PRKCQ: variants seen among roughly 807,000 people sequenced by gnomAD.
PRKCQ encodes protein kinase C theta.
In PRKCQ, 41 loss-of-function variants were observed where a neutral mutation model predicts 91.2. The observed-to-expected ratio is 0.45, with a 90% confidence interval of 0.35 to 0.58. The LOEUF (loss-of-function observed/expected upper bound fraction) is 0.58, where lower values mean the gene tolerates loss of function less well. Among genes scored for constraint, PRKCQ ranks in the 20% least tolerant of loss-of-function variants. PRKCQ has a pLI of 0.00. For synonymous variants in PRKCQ, 307 were observed against 316.9 expected, an observed-to-expected ratio of 0.97 and a Z score of 0.33; for missense variants, 673 against 896.5, an observed-to-expected ratio of 0.75 and a Z score of 3.18.
intron 9 of PRKCQ, 37 bp from the exon 10 acceptor site, chr10:6,485,306 C>T: frequency 6.5e-7 from 1 of 1,536,584 alleles, no homozygotes; most frequent in Non-Finnish European, 9.0e-7. Flanking sequence ...ACCCACCCAC[C>T]CACCATTGAT....
At chr10:6,426,768 C>T (rs1180892765), downstream of PRKCQ, among the ~76,000 whole-genome samples, 3 of 152,086 alleles carry the variant, frequency 2.0e-5, no homozygotes, top group South Asian at 2.1e-4. Context: ...CTAGTGACTC[C>T]GAATATTATG....
chr10:6,515,599 C>T, intron 1 of PRKCQ: 1 of 820,184 alleles, frequency 1.2e-6, no homozygotes, highest in Non-Finnish European at 1.5e-6. Context: ...CTTACATGGT[C>T]TATTTATGTG....
At chr10:6,488,997 G>A (rs913443128) in intron 8 of PRKCQ, among the ~76,000 whole-genome samples, 2 of 152,056 alleles carry the variant, frequency 1.3e-5, no homozygotes, top group African/African-American at 2.4e-5. Context: ...TGCCCAGGCT[G>A]GTCTCAAACT....
At chr10:6,548,738 T>G (rs1405114488) in intron 1 of PRKCQ, among the ~76,000 whole-genome samples, 16 of 64,410 alleles carry the variant, frequency 2.5e-4, no homozygotes, top group Admixed American at 4.8e-4. Context: ...TGTTGTGGGG[T>G]GGGGGGAGGG....
chr10:6,407,602 G>T, the PRKCQ span, among the ~76,000 whole-genome samples: 1 of 151,894 alleles, frequency 6.6e-6, no homozygotes. The surrounding 1 kb of genome is among the most constrained non-coding windows in gnomAD (Gnocchi z 4.0). Context: ...ATGTGCATGG[G>T]ACATGCACAT....
At chr10:6,425,524 G>A (rs994395851), downstream of PRKCQ, among the ~76,000 whole-genome samples, 1 of 151,960 alleles carries the variant, frequency 6.6e-6, no homozygotes, top group Non-Finnish European at 1.5e-5. Flanking sequence ...ACCTGGCCAG[G>A]TCTCTCACCT....
At position 6,427,985 on chromosome 10, in the gene PRKCQ, C is replaced by T. The variant is rs528683149; in HGVS notation, c.*222G>A. On this transcript the variant is annotated 3_prime_UTR_variant, in exon 18 of 18. Transcript: ENST00000263125. ...GTTAGTAATGACCTAACTTCAGGAGCGTCTGTGAGACATGTCAGGAGACGA... is the reference window on the plus strand; with the variant it reads ...GTTAGTAATGACCTAACTTCAGGAGTGTCTGTGAGACATGTCAGGAGACGA... 8 of 564,088 alleles carry T rather than the reference C, an allele frequency of 1.4e-5. No homozygotes were observed. The highest frequency in any genetic ancestry group is 4.2e-5 in the South Asian group (2 of 48,084). 34.9% of individuals were successfully genotyped at this position (564,088 alleles called of 1,614,324 possible).
intron 1 of PRKCQ, among the ~76,000 whole-genome samples, chr10:6,563,255 C>T (rs935985352): frequency 5.3e-5 from 8 of 151,992 alleles, no homozygotes; most frequent in African/African-American, 1.9e-4. Context: ...CTCACTTTGC[C>T]CAGTGCCTCT....
intron 8 of PRKCQ, among the ~76,000 whole-genome samples, chr10:6,488,855 C>T (rs1837092610): frequency 6.6e-6 from 1 of 152,328 alleles, no homozygotes; most frequent in South Asian, 2.1e-4. Context: ...TCATAGCTCA[C>T]TGCAGCCTCA....
intron 1 of PRKCQ, among the ~76,000 whole-genome samples, chr10:6,528,243 T>C (rs61403946): frequency 0.032 from 4,802 of 152,126 alleles, 251 homozygotes; most frequent in African/African-American, 0.11. Context: ...CCTCAACTGA[T>C]AGAGAAACTT....
intron 12 of PRKCQ, among the ~76,000 whole-genome samples, chr10:6,467,693 G>T (rs1032922089): frequency 1.3e-5 from 2 of 152,118 alleles, no homozygotes; most frequent in African/African-American, 4.8e-5. Flanking sequence ...TGAGACTGTC[G>T]CTAATCAGCT....
intron 17 of PRKCQ, among the ~76,000 whole-genome samples, chr10:6,429,221 T>C (rs1833283177): frequency 6.6e-6 from 1 of 152,238 alleles, no homozygotes. Context: ...AGGGTAAGCT[T>C]AGATCAAAGT....
chr10:6,421,749 TC>T, the PRKCQ span, among the ~76,000 whole-genome samples: 1 of 152,218 alleles, frequency 6.6e-6, no homozygotes, highest in Non-Finnish European at 1.5e-5. This position sits in a 1 kb window ranked among gnomAD's most constrained non-coding sequence, Gnocchi z 4.1. Context: ...TTGAATGACA[TC>T]AAGACACACT....
chr10:6,542,192 A>G (rs1038202832), intron 1 of PRKCQ, among the ~76,000 whole-genome samples: 1 of 152,236 alleles, frequency 6.6e-6, no homozygotes, highest in Non-Finnish European at 1.5e-5. Context: ...TGTGGGTTTC[A>G]GCTTCTTTGC....
chr10:6,481,949 T>A (rs1191591562), intron 11 of PRKCQ, among the ~76,000 whole-genome samples: 1 of 152,110 alleles, frequency 6.6e-6, no homozygotes, highest in Non-Finnish European at 1.5e-5. Context: ...CACCGGTAGT[T>A]GGTTATAATT....
At position 6,511,188 on chromosome 10, in the gene PRKCQ, C is replaced by T. The variant is rs142437573; in HGVS notation, c.125G>A (p.Gly42Glu). 14 of 1,613,770 alleles carry T rather than the reference C, an allele frequency of 8.7e-6. No individual in the cohort carries two copies. In the African/African-American group the frequency reaches 1.5e-4, roughly 17 times the overall value. ...AGGCTTTTTCTGGATATACATCTGC[C>T]CGTTCTCTAGGAACAGAAACGTAAG... ...LVKEYVESENGQMYIQKKPTM... is the reference protein window; with the variant it reads ...LVKEYVESENEQMYIQKKPTM... Residue 42 changes from glycine (G) to glutamate (E), a missense_variant, in exon 3 of 18, where the codon GGG becomes GAG. Gly to Glu is a moderately conservative substitution (Grantham distance 98). Transcript: ENST00000263125.
intron 1 of PRKCQ, among the ~76,000 whole-genome samples, chr10:6,550,359 C>T (rs1245958720): frequency 6.6e-6 from 1 of 152,160 alleles, no homozygotes; most frequent in Non-Finnish European, 1.5e-5. Context: ...CTGCAGCCTC[C>T]ACCTCCCAGA....
At chr10:6,474,059 C>T (rs1252755215) in intron 12 of PRKCQ, among the ~76,000 whole-genome samples, 3 of 152,166 alleles carry the variant, frequency 2.0e-5, no homozygotes, top group East Asian at 3.8e-4. Flanking sequence ...CACTCATGCC[C>T]TGAAGCCATA....
chr10:6,404,147 T>C, the PRKCQ span, among the ~76,000 whole-genome samples: 3 of 151,586 alleles, frequency 2.0e-5, no homozygotes, highest in East Asian at 3.9e-4. Context: ...AATTCTACCC[T>C]TTCCTTGCCA....
Sources: gnomAD v4.1 joint callset for allele counts (sites outside exome capture counted in the v4.1 genomes callset) on GRCh38, gnomAD v4.1.1 for gene constraint, Gnocchi (gnomAD v3.1) non-coding constraint, MANE v1.5 for transcripts, NCBI Gene and HGNC (gene_info 2026-07-23, HGNC 2026-07-21) for gene names.